The following PCBP2 variants were observed in gnomAD, a reference collection of about 807,000 sequenced individuals.
PCBP2 encodes poly(rC) binding protein 2, also known as poly(rC)-binding protein 2.
A neutral mutation model predicts 50.1 loss-of-function variants in PCBP2; 4 were observed. The ratio of observed to expected loss-of-function variants is 0.08; its 90% CI spans 0.04 to 0.18. The LOEUF (loss-of-function observed/expected upper bound fraction) is 0.18. PCBP2 is among the 10% of genes least tolerant of loss of function. The pLI, the probability that PCBP2 is intolerant of heterozygous loss-of-function variation, is 1.00. For missense variants in PCBP2, 161 were observed against 474.3 expected, an observed-to-expected ratio of 0.34 and a Z score of 6.14; for synonymous variants, 179 against 168.0, an observed-to-expected ratio of 1.07 and a Z score of -0.51.
At chr12:53,472,577 G>A (rs961774307) in intron 14 of PCBP2, among the ~76,000 whole-genome samples, 1 of 152,188 alleles carries the variant, frequency 6.6e-6, no homozygotes, top group Non-Finnish European at 1.5e-5. Context: ...AGCATTGTTA[G>A]CCTTGAGGCC....
intron 10 of PCBP2, 135 bp downstream of exon 10, chr12:53,466,108 T>C (rs1038873754): frequency 5.3e-6 from 4 of 758,796 alleles, no homozygotes; most frequent in African/African-American, 5.2e-5. Flanking sequence ...CTTCACAAGG[T>C]CAATCCCATA....
In PCBP2 at chr12:53,471,237, G is replaced by C. The variant is rs745559597; in HGVS notation, c.883-401G>C. 1.2e-4 allele frequency among the ~76,000 whole-genome samples: 19 copies of C among 152,042 alleles called. 2 individuals are homozygous for C. The Middle Eastern group carries it at 0.02, about 163-fold the overall frequency. On this transcript the variant is annotated intron_variant, in intron 13 of 14. Coordinates refer to ENST00000546463, the MANE Select transcript of PCBP2 (RefSeq NM_031989.5). ...AGATTCGAAAATGGCTTAAACCAAG[G>C]AGTTTGAGACTAGCCTGAGCAACAT...
chr12:53,475,278 C>A (rs932745847), intron 14 of PCBP2: 6 of 408,152 alleles, frequency 1.5e-5, no homozygotes, highest in Non-Finnish European at 3.0e-5. Flanking sequence ...CCTTTGTTAA[C>A]ATTGGTGAGA....
At chr12:53,469,855 C>T (rs1942087034) in intron 13 of PCBP2, among the ~76,000 whole-genome samples, 1 of 146,376 alleles carries the variant, frequency 6.8e-6, no homozygotes, top group South Asian at 2.1e-4. Context: ...AATTTTCCTG[C>T]CCCAGCCTCC....
chr12:53,461,811 G>A (rs2137049753), intron 7 of PCBP2, among the ~76,000 whole-genome samples: 1 of 152,204 alleles, frequency 6.6e-6, no homozygotes, highest in South Asian at 2.1e-4. Flanking sequence ...TCAGGCTTAA[G>A]CGATCCTCTC....
chr12:53,479,579 A>G lies in PCBP2; in HGVS notation c.*137A>G, dbSNP rs1592700215. 2 of 628,092 alleles carry G rather than the reference A, an allele frequency of 3.2e-6. No homozygotes were observed. The highest frequency in any genetic ancestry group is 5.8e-5 in the East Asian group (2 of 34,242). The allele number at this position is 628,092 out of a possible 1,614,324, so 38.9% of individuals were successfully genotyped here. A position where few individuals can be genotyped will look rare whatever the true frequency, so the allele number is the denominator to read the frequency against. On this transcript the variant is annotated 3_prime_UTR_variant, in exon 15 of 15. Coordinates refer to ENST00000546463, the MANE Select transcript of PCBP2 (RefSeq NM_031989.5). ...TCAGTTTCTACACACTTTATCATCC[A>G]CTCGTGATTTTTTAATTAAAGCGTT... is the stretch of plus-strand genomic sequence containing the variant.
rs1238970750 is a variant in PCBP2 at position 53,452,140 on chromosome 12, C to T, written c.-312C>T. The T allele has an allele frequency of 6.7e-6, 1 of 149,206 alleles. No homozygotes were observed. Among genetic ancestry groups the T allele is most frequent in the Non-Finnish European group, 1.5e-5 (1 of 66,566 alleles). 9.2% of individuals were successfully genotyped at this position (149,206 alleles called of 1,614,324 possible). On this transcript the variant is annotated 5_prime_UTR_variant, in exon 1 of 15. Transcript: ENST00000546463. Reference sequence around the variant, plus strand: ...AGGCAGCAGCCGGAGCAGCCGCAGCCTGCGCCCTCTCCCGCCCGCCCGCCC... The same window carrying T: ...AGGCAGCAGCCGGAGCAGCCGCAGCTTGCGCCCTCTCCCGCCCGCCCGCCC...
intron 8 of PCBP2, among the ~76,000 whole-genome samples, chr12:53,463,217 G>C (rs1448086394): frequency 6.6e-6 from 1 of 152,104 alleles, no homozygotes; most frequent in Non-Finnish European, 1.5e-5. Flanking sequence ...GCACCACCGT[G>C]GCCTCTCTGC....
chr12:53,463,943 G>A (rs1941626031), intron 8 of PCBP2, among the ~76,000 whole-genome samples: 1 of 152,188 alleles, frequency 6.6e-6, no homozygotes, highest in African/African-American at 2.4e-5. Context: ...GGTTTAGTTT[G>A]TCGTGTAGTT....
intron 14 of PCBP2, chr12:53,475,524 TAATG>T (rs1942523308): frequency 5.9e-6 from 1 of 170,580 alleles, no homozygotes; most frequent in African/African-American, 2.4e-5. Context: ...GGCTCTGTGT[TAATG>T]AATAAAAGCT....
chr12:53,474,583 G>C (rs965063926), intron 14 of PCBP2, among the ~76,000 whole-genome samples: 2 of 152,202 alleles, frequency 1.3e-5, no homozygotes, highest in African/African-American at 4.8e-5. Flanking sequence ...GGTTGGGTCA[G>C]TGTGTCAGAT....
At chr12:53,465,898 G>T in intron 9 of PCBP2, 34 bp from the exon 10 acceptor site, 1 of 1,591,462 alleles carries the variant, frequency 6.3e-7, no homozygotes, top group Non-Finnish European at 8.6e-7. Context: ...TCCGTGATTG[G>T]TTTTTAATAG....
intron 13 of PCBP2, among the ~76,000 whole-genome samples, chr12:53,470,223 C>T (rs966227610): frequency 2.0e-5 from 3 of 151,504 alleles, no homozygotes; most frequent in Admixed American, 6.6e-5. Context: ...ACTAAAAATA[C>T]AAAAATTAGC....
At chr12:53,461,170 TG>T (rs879282315) in intron 7 of PCBP2, 27 bp downstream of exon 7, 3 of 1,611,646 alleles carry the variant, frequency 1.9e-6, no homozygotes, top group Admixed American at 3.3e-5. Context: ...ATGCTGAAAA[TG>T]GGGGGAGGGC....
At chr12:53,467,020 C>G (rs1941872577) in intron 10 of PCBP2, among the ~76,000 whole-genome samples, 1 of 152,114 alleles carries the variant, frequency 6.6e-6, no homozygotes, top group Non-Finnish European at 1.5e-5. Context: ...CTCTTCCAGG[C>G]ACCCATTCTA....
chr12:53,457,776 T>C (rs1434959108), intron 5 of PCBP2, among the ~76,000 whole-genome samples: 1 of 152,236 alleles, frequency 6.6e-6, no homozygotes. Flanking sequence ...TCTCTAGTTA[T>C]CAGCCTAGAG....
chr12:53,472,699 G>A (rs1009975693), intron 14 of PCBP2, among the ~76,000 whole-genome samples: 5 of 152,166 alleles, frequency 3.3e-5, no homozygotes, highest in Non-Finnish European at 7.3e-5. Flanking sequence ...TAGTACAGGG[G>A]AAAGGAATTC....
chr12:53,466,169 C>T (rs972120023), intron 10 of PCBP2, among the ~76,000 whole-genome samples, 196 bp downstream of exon 10: 1 of 152,150 alleles, frequency 6.6e-6, no homozygotes, highest in Admixed American at 6.5e-5. Flanking sequence ...AACATTTAAC[C>T]CCTGAAATTT....
chr12:53,472,431 C>T (rs1337241126), intron 14 of PCBP2, among the ~76,000 whole-genome samples: 2 of 152,172 alleles, frequency 1.3e-5, no homozygotes, highest in Non-Finnish European at 2.9e-5. Context: ...TTCCCTTATC[C>T]ATAGCTAGGT....
Sources: allele counts gnomAD v4.1 joint callset (sites outside exome capture counted in the v4.1 genomes callset), GRCh38; gene constraint gnomAD v4.1.1; transcripts MANE v1.5; gene names NCBI Gene and HGNC (gene_info 2026-07-23, HGNC 2026-07-21).